MALL: variants seen among roughly 807,000 people sequenced by gnomAD.
MALL encodes MAL-like protein.
MALL carries 2 observed loss-of-function variants against 10.3 expected under a neutral mutation model. The observed-to-expected ratio is 0.19, with a 90% confidence interval of 0.08 to 0.61. The LOEUF (loss-of-function observed/expected upper bound fraction) is 0.61. Ranked by LOEUF, MALL falls within the 20% of genes least tolerant of loss-of-function variation. MALL has a pLI of 0.88. For missense variants in MALL, 39 were observed against 115.2 expected (o/e 0.34, Z 3.03); for synonymous variants, 27 against 51.8 (o/e 0.52, Z 2.05).
intron 1 of MALL, among the ~76,000 whole-genome samples, chr2:110,099,988 C>T (rs1225176676): frequency 6.6e-6 from 1 of 152,018 alleles, no homozygotes; most frequent in Non-Finnish European, 1.5e-5. Context: ...CTGTGCGGGT[C>T]GCCCATACCC....
chr2:110,117,624 T>TGAGAGA (rs70958730), upstream of MALL, among the ~76,000 whole-genome samples: 1 of 122,718 alleles, frequency 8.1e-6, no homozygotes, highest in Non-Finnish European at 1.7e-5. Flanking sequence ...TGTGTGTGTG[T>TGAGAGA]GAGAGAGAGA....
At chr2:110,109,652 G>T (rs765619053) in intron 1 of MALL, among the ~76,000 whole-genome samples, 7 of 152,108 alleles carry the variant, frequency 4.6e-5, no homozygotes, top group Non-Finnish European at 8.8e-5. Context: ...CATCATGACA[G>T]AAAGTCAATG....
intron 1 of MALL, among the ~76,000 whole-genome samples, chr2:110,095,681 G>A (rs573875464): frequency 2.0e-5 from 3 of 150,752 alleles, no homozygotes; most frequent in East Asian, 2.0e-4. Context: ...ATCTAATCGC[G>A]TCATCATTTA....
chr2:110,096,790 T>C (rs1678450210), intron 1 of MALL, among the ~76,000 whole-genome samples: 1 of 151,942 alleles, frequency 6.6e-6, no homozygotes, highest in Non-Finnish European at 1.5e-5. Context: ...AGTGTCCGTC[T>C]GCAACCTCCC....
At chr2:110,096,044 G>A (rs779952711) in intron 1 of MALL, among the ~76,000 whole-genome samples, 7 of 152,256 alleles carry the variant, frequency 4.6e-5, no homozygotes, top group South Asian at 2.1e-4. Context: ...AAGAGAAGCC[G>A]GCAAAAAACG....
chr2:110,117,508 C>G (rs1007317896), upstream of MALL, among the ~76,000 whole-genome samples: 5 of 151,556 alleles, frequency 3.3e-5, no homozygotes, highest in African/African-American at 1.2e-4. Flanking sequence ...CCTTGGTCTT[C>G]TGGCTAAAGA....
intron 1 of MALL, among the ~76,000 whole-genome samples, chr2:110,105,816 C>T (rs569490402): frequency 1.6e-4 from 25 of 152,290 alleles, no homozygotes; most frequent in African/African-American, 6.0e-4. Context: ...CATTCACTTT[C>T]AGTCCACAGA....
intron 1 of MALL, among the ~76,000 whole-genome samples, chr2:110,109,228 G>A (rs1678753124): frequency 3.3e-5 from 5 of 152,074 alleles, no homozygotes; most frequent in Admixed American, 3.3e-4. Context: ...GAATGTAAAT[G>A]GCCTAAATGA....
intron 1 of MALL, among the ~76,000 whole-genome samples, chr2:110,100,954 C>T (rs1047354436): frequency 9.9e-5 from 15 of 152,148 alleles, no homozygotes; most frequent in African/African-American, 1.4e-4. Context: ...GTCTTCCACA[C>T]GCATGCTCCT....
At chr2:110,099,858 C>T (rs529435798) in intron 1 of MALL, among the ~76,000 whole-genome samples, 9 of 152,256 alleles carry the variant, frequency 5.9e-5, no homozygotes, top group South Asian at 4.1e-4. Flanking sequence ...CCAGATGACA[C>T]GACCGAGCTG....
Position 110,103,615 on chromosome 2 carries a change from G to T in MALL, c.106-11845C>A, listed in dbSNP as rs572605113. Among the ~76,000 whole-genome samples, 231 of 152,294 alleles carry T rather than the reference G, an allele frequency of 1.5e-3. 4 individuals are homozygous for T. The South Asian group carries it at 0.017, about 11-fold the overall frequency. On this transcript the variant is annotated intron_variant, in intron 1 of 3. Coordinates refer to ENST00000272462, the MANE Select transcript of MALL (RefSeq NM_005434.5). ...TCTACTGGCAAGGCTCCTTATCTAGGGCTCGCCCTGGGTCCAGTGGGTCAG... is the reference window on the plus strand; with the variant it reads ...TCTACTGGCAAGGCTCCTTATCTAGTGCTCGCCCTGGGTCCAGTGGGTCAG...
upstream of MALL, chr2:110,116,342 A>G (rs1259417114): frequency 6.6e-6 from 1 of 151,078 alleles, no homozygotes; most frequent in Non-Finnish European, 1.5e-5. Flanking sequence ...CTCCTTTTCC[A>G]CTCTTGGGGA....
intron 1 of MALL, among the ~76,000 whole-genome samples, chr2:110,114,530 C>T (rs945709609): frequency 1.3e-5 from 2 of 151,784 alleles, no homozygotes; most frequent in African/African-American, 4.8e-5. Context: ...TGGCAGGATG[C>T]CCACGCTGTG....
intron 1 of MALL, among the ~76,000 whole-genome samples, chr2:110,110,957 A>C (rs1678790707): frequency 1.3e-5 from 2 of 152,210 alleles, no homozygotes; most frequent in Non-Finnish European, 2.9e-5. Context: ...AACAGAATTT[A>C]AAACAAAAAT....
At chr2:110,116,820 G>A (rs1031046044), upstream of MALL, among the ~76,000 whole-genome samples, 4 of 152,320 alleles carry the variant, frequency 2.6e-5, no homozygotes, top group Non-Finnish European at 5.9e-5. Context: ...GATGCTCCAG[G>A]TTAGGGTCCC....
chr2:110,115,757 G>T lies in MALL; in HGVS notation c.36C>A (p.Ala12=). 7.8e-7 allele frequency: 1 copy of T among 1,288,406 alleles called. No individual in the cohort carries two copies. Among genetic ancestry groups the T allele is most frequent in the East Asian group, 2.9e-5 (1 of 34,198 alleles). The allele number at this position is 1,288,406 out of a possible 1,614,324, so 79.8% of individuals were successfully genotyped here. The change falls in exon 1 of 4, where the codon GCC becomes GCA. Residue 12 remains alanine, a synonymous_variant. Coordinates refer to ENST00000272462, the MANE Select transcript of MALL (RefSeq NM_005434.5). ...ASPDPPATSY[A]PSDVPSGVAL... ...CGACCCCCGAGGGCACGTCGGACGG[G>T]GCGTAGCTGGTGGCGGGCGGGTCGG...
At chr2:110,105,934 A>G (rs1186145429) in intron 1 of MALL, among the ~76,000 whole-genome samples, 2 of 152,174 alleles carry the variant, frequency 1.3e-5, no homozygotes, top group Admixed American at 1.3e-4. Context: ...TGAAGGTGGT[A>G]CTGGCCATTT....
intron 1 of MALL, among the ~76,000 whole-genome samples, chr2:110,103,919 G>T (rs568578470): frequency 6.6e-6 from 1 of 152,210 alleles, no homozygotes; most frequent in Admixed American, 6.5e-5. Flanking sequence ...CTGCTGTGTG[G>T]TGTGGGCTCC....
intron 1 of MALL, among the ~76,000 whole-genome samples, chr2:110,108,337 A>G (rs1260850596): frequency 6.6e-6 from 1 of 152,144 alleles, no homozygotes; most frequent in Non-Finnish European, 1.5e-5. Flanking sequence ...TAGCTTAAAG[A>G]AAAAACAGTC....
Sources: allele counts gnomAD v4.1 joint callset (sites outside exome capture counted in the v4.1 genomes callset), GRCh38; gene constraint gnomAD v4.1.1; transcripts MANE v1.5; gene names NCBI Gene and HGNC (gene_info 2026-07-23, HGNC 2026-07-21).